ACSS3: variants seen among roughly 807,000 people sequenced by gnomAD.
ACSS3 encodes the protein acyl-CoA synthetase short-chain family member 3, mitochondrial.
ACSS3 carries 64 observed loss-of-function variants against 84.2 expected under a neutral mutation model. The ratio of observed to expected loss-of-function variants is 0.76; its 90% CI spans 0.62 to 0.94. The LOEUF is 0.94. Ranked by LOEUF, ACSS3 falls within the 40% of genes least tolerant of loss-of-function variation. The pLI is 0.00. For missense variants in ACSS3, 815 were observed against 867.6 expected (o/e 0.94, Z 0.76); for synonymous variants, 317 against 310.1 (o/e 1.02, Z -0.23).
chr12:81,124,904 GCT>G (rs1330445237), intron 2 of ACSS3, among the ~76,000 whole-genome samples: 1 of 152,098 alleles, frequency 6.6e-6, no homozygotes, highest in Non-Finnish European at 1.5e-5. Context: ...CTCACTGCTG[GCT>G]CTTTCTCTTA....
intron 11 of ACSS3, among the ~76,000 whole-genome samples, chr12:81,229,528 T>A (rs537534219): frequency 3.3e-5 from 5 of 152,054 alleles, no homozygotes; most frequent in Admixed American, 3.3e-4. Flanking sequence ...AACAAACTGA[T>A]GTAGTGATGT....
rs1311052833 is a variant in ACSS3, at chr12:81,258,877, G to C, written c.*3955G>C. Reference sequence around the variant, plus strand: ...GTTTTTTTATCTTTTTTTTTTTCTTGGTCCACAGGTAACAAGAGAAGATTA... The same window carrying C: ...GTTTTTTTATCTTTTTTTTTTTCTTCGTCCACAGGTAACAAGAGAAGATTA... On this transcript the variant is annotated 3_prime_UTR_variant, in exon 16 of 16. Coordinates refer to ENST00000548058, the MANE Select transcript of ACSS3 (RefSeq NM_024560.4). 2.7e-5 allele frequency: 4 copies of C among 148,472 alleles called. No homozygotes were observed. The highest frequency in any genetic ancestry group is 6.0e-5 in the Non-Finnish European group (4 of 67,212). The allele number at this position is 148,472 out of a possible 1,614,324, so 9.2% of individuals were successfully genotyped here.
intron 9 of ACSS3, among the ~76,000 whole-genome samples, chr12:81,201,790 A>G (rs2032120787): frequency 6.6e-6 from 1 of 152,168 alleles, no homozygotes. Context: ...CTATTAAACT[A>G]CACAAATATA....
At chr12:81,226,303 T>G (rs1254458398) in intron 11 of ACSS3, among the ~76,000 whole-genome samples, 1 of 146,652 alleles carries the variant, frequency 6.8e-6, no homozygotes, top group Non-Finnish European at 1.5e-5. Flanking sequence ...ATATCTCTGA[T>G]TTTCTTTTCT....
chr12:81,137,841 C>T (rs939408644), intron 3 of ACSS3, among the ~76,000 whole-genome samples: 3 of 151,982 alleles, frequency 2.0e-5, no homozygotes, highest in Admixed American at 6.6e-5. Context: ...AAATGTCTGA[C>T]CTTTAAAAAT....
chr12:81,190,211 TAGAG>T (rs75397068), intron 8 of ACSS3, among the ~76,000 whole-genome samples: 27,195 of 151,930 alleles, frequency 0.18, 2,734 homozygotes, highest in East Asian at 0.39. Context: ...AACATAGAGA[TAGAG>T]AGAGAGACTT....
chr12:81,243,034 A>G (rs1372883991), intron 13 of ACSS3, among the ~76,000 whole-genome samples: 1 of 151,852 alleles, frequency 6.6e-6, no homozygotes, highest in Admixed American at 6.6e-5. Flanking sequence ...GAAGGAAATA[A>G]AGGGTATTCA....
rs141396702 is a variant in ACSS3, at chr12:81,225,156, T to TTG, written c.1514+5098_1514+5099dup. The stretch of plus-strand genomic sequence containing the variant: ...TCCATGTAGATAAAGGGGAACTACT[T>TTG]TGTGTGTGTGTGTGTGTGTTTCTGT... On this transcript the variant is annotated intron_variant, in intron 11 of 15. Coordinates refer to ENST00000548058, the MANE Select transcript of ACSS3 (RefSeq NM_024560.4). Among the ~76,000 whole-genome samples the TTG allele has an allele frequency of 8.8e-3, 1,318 of 149,672 alleles. 4 individuals are homozygous for TTG. The highest frequency in any genetic ancestry group is 0.011 in the Admixed American group (167 of 14,986).
At chr12:81,178,533 C>T (rs1021439740) in intron 8 of ACSS3, among the ~76,000 whole-genome samples, 5 of 151,806 alleles carry the variant, frequency 3.3e-5, no homozygotes, top group East Asian at 1.9e-4. Flanking sequence ...ATAAAAAATG[C>T]CATCCCATTC....
chr12:81,242,076 C>A (rs1227110807), intron 13 of ACSS3, among the ~76,000 whole-genome samples: 1 of 152,044 alleles, frequency 6.6e-6, no homozygotes, highest in Non-Finnish European at 1.5e-5. Flanking sequence ...TTTCCCAGCA[C>A]CATTTATTAA....
intron 8 of ACSS3, among the ~76,000 whole-genome samples, chr12:81,185,282 T>C (rs2031187557): frequency 6.6e-6 from 1 of 151,746 alleles, no homozygotes; most frequent in Admixed American, 6.6e-5. Flanking sequence ...TCCACTAAGA[T>C]CTGGTAAGGC....
chr12:81,113,251 A>G (rs1226676931), intron 2 of ACSS3, among the ~76,000 whole-genome samples: 1 of 152,104 alleles, frequency 6.6e-6, no homozygotes, highest in East Asian at 1.9e-4. Flanking sequence ...AGAGGTAAAT[A>G]GAGTCTAGGG....
chr12:81,143,250 ACTCACT>A lies in ACSS3; in HGVS notation c.921+7_921+12del. ...CTGGCACAACGGGGTTACCTAAGGT[ACTCACT>A]CTCTTAGAGATAACTATCTATAGCA... On this transcript the variant is annotated splice_donor_5th_base_variant and intron_variant, in intron 5 of 15. Transcript: ENST00000548058. 6.3e-7 allele frequency: 1 copy of A among 1,585,024 alleles called. No individual in the cohort carries two copies. The highest frequency in any genetic ancestry group is 8.6e-7 in the Non-Finnish European group (1 of 1,160,188).
chr12:81,174,616 G>A, intron 7 of ACSS3, 172 bp from the exon 8 acceptor site: 1 of 608,674 alleles, frequency 1.6e-6, no homozygotes, highest in Non-Finnish European at 2.6e-6. Context: ...TCTCTGTTAT[G>A]CCTGGGTATT....
intron 9 of ACSS3, among the ~76,000 whole-genome samples, chr12:81,212,398 C>T (rs2032630217): frequency 6.6e-6 from 1 of 152,174 alleles, no homozygotes; most frequent in Admixed American, 6.5e-5. Flanking sequence ...CACTTCCTGC[C>T]ACAGGGATTT....
intron 8 of ACSS3, among the ~76,000 whole-genome samples, chr12:81,182,911 T>G (rs2031032433): frequency 6.6e-6 from 1 of 152,152 alleles, no homozygotes; most frequent in Admixed American, 6.6e-5. Context: ...CATGCTCACT[T>G]ATCTGGTCAT....
intron 9 of ACSS3, among the ~76,000 whole-genome samples, chr12:81,213,713 CT>C (rs2032722935): frequency 1.1e-5 from 1 of 90,364 alleles, no homozygotes; most frequent in Non-Finnish European, 2.3e-5. Flanking sequence ...CTCCCCTCCG[CT>C]CCCCTCCGCT....
rs773484389 is a variant in ACSS3 at position 81,121,425 on chromosome 12, C to CT, written c.456+11731dup. On this transcript the variant is annotated intron_variant, in intron 2 of 15. Transcript: ENST00000548058. ...AAAAGCCTCTAAGAAACCAATTTGG[C>CT]TTTTTTTTTTCATGAAATAGTGAAG... Among the ~76,000 whole-genome samples, 675 of 147,520 alleles carry CT rather than the reference C, an allele frequency of 4.6e-3. 4 individuals are homozygous for CT. The highest frequency in any genetic ancestry group is 0.015 in the African/African-American group (590 of 40,256).
At position 81,259,384 on chromosome 12, in the gene ACSS3, A is replaced by T; in HGVS notation, c.*4462A>T. 1 of 625,274 alleles carries T rather than the reference A, an allele frequency of 1.6e-6. No individual in the cohort carries two copies. 38.7% of individuals were successfully genotyped at this position (625,274 alleles called of 1,614,324 possible). ...TAAATGCCTAGTATATTACAATAAA[A>T]CATGAAAAACAACTGGCTTCATTTC... On this transcript the variant is annotated 3_prime_UTR_variant, in exon 16 of 16. Transcript: ENST00000548058.
Sources: gnomAD v4.1 joint callset for allele counts (sites outside exome capture counted in the v4.1 genomes callset) on GRCh38, gnomAD v4.1.1 for gene constraint, MANE v1.5 for transcripts, NCBI Gene and HGNC (gene_info 2026-07-23, HGNC 2026-07-21) for gene names.